Variants in FRRS1 observed in about 807,000 individuals in gnomAD.
FRRS1 encodes ferric chelate reductase 1.
In FRRS1, 51 loss-of-function variants were observed where a neutral mutation model predicts 70.7. The observed-to-expected ratio is 0.72, with a 90% CI of 0.58 to 0.91. FRRS1 has a LOEUF of 0.91. Ranked by LOEUF, FRRS1 falls within the 40% of genes least tolerant of loss-of-function variation. The pLI is 0.00. For missense variants in FRRS1, 672 were observed against 726.0 expected, an observed-to-expected ratio of 0.93 and a Z score of 0.86; for synonymous variants, 225 against 238.7, an observed-to-expected ratio of 0.94 and a Z score of 0.53.
intron 11 of FRRS1, among the ~76,000 whole-genome samples, chr1:99,716,055 C>T (rs1232345594): frequency 6.6e-6 from 1 of 152,008 alleles, no homozygotes; most frequent in Admixed American, 6.6e-5. Flanking sequence ...AGTAAGGAAA[C>T]AAACAAACAA....
intron 7 of FRRS1, among the ~76,000 whole-genome samples, chr1:99,736,581 G>C (rs965943132): frequency 3.6e-5 from 5 of 140,774 alleles, no homozygotes; most frequent in African/African-American, 1.5e-4. Context: ...AGAACACATG[G>C]ACACAGGAAG....
Position 99,744,833 on chromosome 1 carries a change from T to G in FRRS1, c.333+2461A>C, listed in dbSNP as rs1374639576. ...ATAATACAAAAAATTAGCCGGGCGT[T>G]GTGGCGGGCGCCTGTAGTCCCACCT... On this transcript the variant is annotated intron_variant, in intron 4 of 16. Coordinates refer to ENST00000646001, the MANE Select transcript of FRRS1 (RefSeq NM_001361041.2). Among the ~76,000 whole-genome samples the G allele has an allele frequency of 4.7e-5, 7 of 149,494 alleles. No homozygotes were observed. The South Asian group carries it at 1.1e-3, about 23-fold the overall frequency.
chr1:99,712,690 T>C (rs191872664), intron 12 of FRRS1, among the ~76,000 whole-genome samples, 175 bp from the exon 13 acceptor site: 6 of 152,346 alleles, frequency 3.9e-5, no homozygotes, highest in African/African-American at 1.2e-4. Context: ...GTACCAGGCA[T>C]ACACTTTACA....
intron 9 of FRRS1, among the ~76,000 whole-genome samples, chr1:99,722,709 A>G (rs904151024): frequency 6.6e-6 from 1 of 152,234 alleles, no homozygotes; most frequent in Non-Finnish European, 1.5e-5. Flanking sequence ...ACCATAAAGG[A>G]TATCCACAAG....
At chr1:99,733,187 T>C (rs978323913) in intron 7 of FRRS1, among the ~76,000 whole-genome samples, 2 of 152,030 alleles carry the variant, frequency 1.3e-5, no homozygotes, top group Admixed American at 6.6e-5. Flanking sequence ...AAAATTCCAA[T>C]GGCTGTGTGA....
At chr1:99,764,499 T>C (rs758926589) in intron 1 of FRRS1, among the ~76,000 whole-genome samples, 2 of 152,200 alleles carry the variant, frequency 1.3e-5, no homozygotes, top group Non-Finnish European at 2.9e-5. Flanking sequence ...TTTTTCTATT[T>C]TCAAACATTC....
At chr1:99,752,827 C>T (rs1212358374) in intron 1 of FRRS1, among the ~76,000 whole-genome samples, 3 of 152,104 alleles carry the variant, frequency 2.0e-5, no homozygotes, top group Non-Finnish European at 4.4e-5. Flanking sequence ...AAAGTGAGCA[C>T]ATGCTGTTGG....
At chr1:99,739,056 C>G (rs1655821307) in intron 6 of FRRS1, among the ~76,000 whole-genome samples, 1 of 152,138 alleles carries the variant, frequency 6.6e-6, no homozygotes, top group Non-Finnish European at 1.5e-5. Context: ...ACAGATCATA[C>G]TAGGGTGAAG....
rs1484527556 is a variant in FRRS1, at chr1:99,717,445, T to C, written c.1201A>G (p.Lys401Glu). ...VARFFKPVWS[K>E]AFLLGEAAWF... ...GCTGCTTCACCAAGCAAGAAAGCTT[T>C]TGACCAAACTGGCTTGAAGAACCGG... Residue 401 changes from lysine (K) to glutamate (E), a missense_variant, in exon 11 of 17, where the codon AAA becomes GAA. Coordinates refer to ENST00000646001, the MANE Select transcript of FRRS1 (RefSeq NM_001361041.2). 6.2e-7 allele frequency: 1 copy of C among 1,614,032 alleles called. No individual in the cohort carries two copies. Among genetic ancestry groups the C allele is most frequent in the Non-Finnish European group, 8.5e-7 (1 of 1,179,998 alleles).
In FRRS1 at chr1:99,754,507, AAGAGAG is replaced by A. The variant is rs60311161; in HGVS notation, c.-105-5512_-105-5507del. Among the ~76,000 whole-genome samples, 35 of 149,592 alleles carry A rather than the reference AAGAGAG, an allele frequency of 2.3e-4. No homozygotes were observed. In the East Asian group the frequency reaches 5.5e-3, roughly 24 times the overall value. On this transcript the variant is annotated intron_variant, in intron 1 of 16. Transcript: ENST00000646001. ...TCTCAAAGAGAGAGAGAGAGAGAGA[AAGAGAG>A]AGAGAGAGAGAGAAATGCACAGATC...
chr1:99,752,452 G>A (rs1656616256), intron 1 of FRRS1, among the ~76,000 whole-genome samples: 1 of 152,186 alleles, frequency 6.6e-6, no homozygotes, highest in Admixed American at 6.5e-5. Context: ...GAGAAGGAGA[G>A]AGATTGGAGA....
intron 6 of FRRS1, among the ~76,000 whole-genome samples, chr1:99,739,880 G>GT (rs140941684): frequency 0.49 from 74,114 of 150,150 alleles, 21,857 homozygotes; most frequent in Non-Finnish European, 0.66. Context: ...TTCTCAACAC[G>GT]TTTTTTTTTT....
intron 7 of FRRS1, among the ~76,000 whole-genome samples, chr1:99,733,024 T>C (rs562863555): frequency 6.6e-6 from 1 of 151,986 alleles, no homozygotes; most frequent in East Asian, 1.9e-4. Context: ...TTTATGAATT[T>C]TTTGTAGAGA....
chr1:99,756,457 A>G (rs373542568), intron 1 of FRRS1, among the ~76,000 whole-genome samples: 7 of 152,264 alleles, frequency 4.6e-5, no homozygotes, highest in South Asian at 2.1e-4. Context: ...AAGCAAGTAT[A>G]TTCTTCATTA....
rs750105255 is a variant in FRRS1 at position 99,738,107 on chromosome 1, T to C, written c.738A>G (p.Ala246=). ...SGPSKGYLSF[A]LSHDQWMGDD... ...CAACCATCCACTGATCATGAGACAATGCAAAGGATAAATAGCCTTTACTGG... is the reference window on the plus strand; with the variant it reads ...CAACCATCCACTGATCATGAGACAACGCAAAGGATAAATAGCCTTTACTGG... Residue 246 remains alanine, a synonymous_variant, in exon 7 of 17, where the codon GCA becomes GCG. Coordinates refer to ENST00000646001, the MANE Select transcript of FRRS1 (RefSeq NM_001361041.2). The C allele has an allele frequency of 1.2e-5, 19 of 1,612,816 alleles. No homozygotes were observed. The highest frequency in any genetic ancestry group is 6.7e-5 in the Admixed American group (4 of 59,918).
intron 7 of FRRS1, among the ~76,000 whole-genome samples, chr1:99,731,200 T>C (rs2100943471): frequency 6.6e-6 from 1 of 152,354 alleles, no homozygotes; most frequent in Middle Eastern, 3.4e-3. Flanking sequence ...TTTTAAGTTA[T>C]TATCCATGGT....
chr1:99,756,054 A>G (rs1656820717), intron 1 of FRRS1, among the ~76,000 whole-genome samples: 1 of 152,212 alleles, frequency 6.6e-6, no homozygotes, highest in South Asian at 2.1e-4. Context: ...CAGATCACAT[A>G]ATTATGACAG....
At chr1:99,763,744 T>A (rs1398448215) in intron 1 of FRRS1, among the ~76,000 whole-genome samples, 1 of 151,742 alleles carries the variant, frequency 6.6e-6, no homozygotes, top group Non-Finnish European at 1.5e-5. Flanking sequence ...GGTGCATGCC[T>A]GTAATCCCAG....
intron 9 of FRRS1, among the ~76,000 whole-genome samples, chr1:99,725,127 C>T (rs1054936016): frequency 3.3e-5 from 5 of 151,992 alleles, no homozygotes; most frequent in African/African-American, 1.2e-4. Context: ...CCTTCACATG[C>T]GCAGTTGACA....
Sources: gnomAD v4.1 joint callset for allele counts (sites outside exome capture counted in the v4.1 genomes callset) on GRCh38, gnomAD v4.1.1 for gene constraint, MANE v1.5 for transcripts, NCBI Gene and HGNC (gene_info 2026-07-23, HGNC 2026-07-21) for gene names.